Variants in TRPM1 observed in about 807,000 individuals in gnomAD.
The protein encoded by TRPM1 is TRPM1-203 APA Isoform, Intron 10.
TRPM1 carries 113 observed loss-of-function variants against 149.4 expected under a neutral mutation model. That is an observed-to-expected ratio of 0.76 (90% CI 0.65 to 0.88). The LOEUF is 0.88. Among genes scored for constraint, TRPM1 ranks in the 40% least tolerant of loss-of-function variants. The pLI is 0.00. For missense variants in TRPM1, 1,976 were observed against 2,038.7 expected (o/e 0.97, Z 0.59); for synonymous variants, 741 against 759.5 (o/e 0.98, Z 0.40).
chr15:31,017,186 G>T (rs2140886021), intron 27 of TRPM1, among the ~76,000 whole-genome samples: 1 of 152,108 alleles, frequency 6.6e-6, no homozygotes, highest in Non-Finnish European at 1.5e-5. Context: ...TGCGTCTGTA[G>T]TCCCAGCTAC....
intron 1 of TRPM1, among the ~76,000 whole-genome samples, chr15:31,123,297 G>C (rs775452686): frequency 6.6e-6 from 1 of 152,160 alleles, no homozygotes; most frequent in African/African-American, 2.4e-5. Context: ...CAGATGCAAT[G>C]TCAAAAGAAT....
At chr15:31,036,884 T>C (rs2033407495) in intron 20 of TRPM1, among the ~76,000 whole-genome samples, 1 of 151,610 alleles carries the variant, frequency 6.6e-6, no homozygotes, top group African/African-American at 2.4e-5. Context: ...CCCACCCTCA[T>C]TCATCGCCCA....
intron 1 of TRPM1, among the ~76,000 whole-genome samples, chr15:31,089,799 C>G (rs951470610): frequency 6.6e-6 from 1 of 152,124 alleles, no homozygotes; most frequent in Admixed American, 6.5e-5. Context: ...AGTGCATAAG[C>G]TTTTGGGCCC....
chr15:31,036,143 C>T (rs1162483933), intron 20 of TRPM1, among the ~76,000 whole-genome samples: 1 of 152,072 alleles, frequency 6.6e-6, no homozygotes, highest in African/African-American at 2.4e-5. Flanking sequence ...GCGAGCTGAC[C>T]CTAGAGTCCC....
intron 18 of TRPM1, among the ~76,000 whole-genome samples, chr15:31,038,673 C>T (rs1243402495): frequency 6.6e-6 from 1 of 152,170 alleles, no homozygotes; most frequent in Non-Finnish European, 1.5e-5. Flanking sequence ...GATCGCGCCA[C>T]TGCACTCCAG....
At chr15:31,119,789 T>C (rs943773508) in intron 1 of TRPM1, among the ~76,000 whole-genome samples, 1 of 152,124 alleles carries the variant, frequency 6.6e-6, no homozygotes, top group East Asian at 1.9e-4. Flanking sequence ...TGATATAGTG[T>C]TAATTGAAAG....
At chr15:31,137,273 T>C (rs1223708830) in intron 1 of TRPM1, among the ~76,000 whole-genome samples, 1 of 152,200 alleles carries the variant, frequency 6.6e-6, no homozygotes, top group African/African-American at 2.4e-5. Context: ...GCAAAAGTCA[T>C]CGTGGCTCTG....
chr15:31,014,275 C>A (rs1006754453), intron 27 of TRPM1, among the ~76,000 whole-genome samples: 1 of 152,212 alleles, frequency 6.6e-6, no homozygotes, highest in Admixed American at 6.5e-5. Flanking sequence ...TCCTCCACCC[C>A]TTCTAACTAG....
At chr15:31,029,018 T>C (rs1369013087) in intron 24 of TRPM1, among the ~76,000 whole-genome samples, 2 of 152,212 alleles carry the variant, frequency 1.3e-5, no homozygotes, top group African/African-American at 4.8e-5. Flanking sequence ...CACTGATACA[T>C]TAAATTTGAA....
intron 1 of TRPM1, among the ~76,000 whole-genome samples, chr15:31,092,070 G>A (rs2035254284): frequency 7.1e-6 from 1 of 141,724 alleles, no homozygotes; most frequent in Admixed American, 7.0e-5. Flanking sequence ...CCGGGATGAG[G>A]GAGAAAGTTT....
At chr15:31,041,207 T>G (rs2140928789) in intron 17 of TRPM1, among the ~76,000 whole-genome samples, 1 of 151,322 alleles carries the variant, frequency 6.6e-6, no homozygotes, top group Middle Eastern at 3.4e-3. Context: ...CAGGCTGGAG[T>G]GCAGTGGGGC....
chr15:31,052,043 C>T (rs956325637), intron 11 of TRPM1, among the ~76,000 whole-genome samples: 1 of 152,204 alleles, frequency 6.6e-6, no homozygotes, highest in East Asian at 1.9e-4. Flanking sequence ...TTGCCTTCTT[C>T]TTTGCCTCTG....
At chr15:31,057,458 T>C (rs2034114851) in intron 11 of TRPM1, among the ~76,000 whole-genome samples, 3 of 151,968 alleles carry the variant, frequency 2.0e-5, no homozygotes. Context: ...AACTGGGTGG[T>C]GAAATAATCT....
intron 1 of TRPM1, among the ~76,000 whole-genome samples, chr15:31,101,102 A>C (rs2035505006): frequency 6.6e-6 from 1 of 152,246 alleles, no homozygotes; most frequent in Non-Finnish European, 1.5e-5. Flanking sequence ...ATAAAGGCTT[A>C]CAAGTATAAA....
upstream of TRPM1, among the ~76,000 whole-genome samples, chr15:31,105,831 C>T (rs551067590): frequency 9.9e-5 from 15 of 152,188 alleles, no homozygotes; most frequent in Admixed American, 5.2e-4. Context: ...ACACAGTATC[C>T]GAGGACTGTG....
chr15:31,065,197 A>G, intron 7 of TRPM1: 1 of 517,436 alleles, frequency 1.9e-6, no homozygotes, highest in South Asian at 1.4e-5. Context: ...TGAGAACAAA[A>G]AACATTCAGT....
chr15:31,038,130 A>C lies in TRPM1; in HGVS notation c.2353T>G (p.Phe785Val). The C allele has an allele frequency of 6.2e-7, 1 of 1,614,174 alleles. No homozygotes were observed. The highest frequency in any genetic ancestry group is 8.5e-7 in the Non-Finnish European group (1 of 1,180,010). Residue 785 changes from phenylalanine (F) to valine (V), a missense_variant, in exon 19 of 28, where the codon TTT (phenylalanine) becomes GTT (valine). Coordinates refer to ENST00000256552, the MANE Select transcript of TRPM1 (RefSeq NM_001252024.2). ...MGILLPPTIL[F>V]LEFRTYDDFS... ...TCATCATATGTGCGAAATTCCAAAA[A>C]CAAGATGGTGGGGGGTAGAAGAATC...
chr15:31,131,482 T>G (rs933951091), intron 1 of TRPM1, among the ~76,000 whole-genome samples: 9 of 152,202 alleles, frequency 5.9e-5, no homozygotes, highest in Non-Finnish European at 1.3e-4. Context: ...CACTTCAAAC[T>G]GCCAAAGTTT....
At chr15:31,155,414 GTTC>G (rs1253246069) in intron 1 of TRPM1, among the ~76,000 whole-genome samples, 1 of 152,216 alleles carries the variant, frequency 6.6e-6, no homozygotes, top group African/African-American at 2.4e-5. Flanking sequence ...GTTTGCAGAA[GTTC>G]TTCTTAGCTC....
Sources: gnomAD v4.1 joint callset for allele counts (sites outside exome capture counted in the v4.1 genomes callset) on GRCh38, gnomAD v4.1.1 for gene constraint, MANE v1.5 for transcripts, NCBI Gene and HGNC (gene_info 2026-07-23, HGNC 2026-07-21) for gene names.